The following RIMS2 variants were observed in gnomAD, a reference collection of about 807,000 sequenced individuals.
The protein encoded by RIMS2 is regulating synaptic membrane exocytosis 2, also known as regulating synaptic membrane exocytosis protein 2.
In RIMS2, 59 loss-of-function variants were observed where a neutral mutation model predicts 174.4. That is an observed-to-expected ratio of 0.34 (90% CI 0.27 to 0.42). The LOEUF (loss-of-function observed/expected upper bound fraction) is 0.42. Among genes scored for constraint, RIMS2 ranks in the 10% least tolerant of loss-of-function variants. The pLI, the probability that RIMS2 is intolerant of heterozygous loss-of-function variation, is 1.00. For synonymous variants in RIMS2, 606 were observed against 572.5 expected, an observed-to-expected ratio of 1.06 and a Z score of -0.84; for missense variants, 1,620 against 1,666.3, an observed-to-expected ratio of 0.97 and a Z score of 0.48.
intron 3 of RIMS2, among the ~76,000 whole-genome samples, chr8:103,849,589 T>C (rs770609655): frequency 2.0e-5 from 3 of 152,070 alleles, no homozygotes; most frequent in Admixed American, 6.6e-5. Flanking sequence ...GGTATCGCCA[T>C]ATCAGTAGGT....
At chr8:103,588,468 A>C (rs868692587) in intron 1 of RIMS2, among the ~76,000 whole-genome samples, 2 of 152,070 alleles carry the variant, frequency 1.3e-5, no homozygotes, top group Non-Finnish European at 2.9e-5. Flanking sequence ...CTGAACAAAA[A>C]GACCAAAACT....
chr8:103,638,631 T>C (rs1056292214), intron 1 of RIMS2, among the ~76,000 whole-genome samples: 1 of 152,122 alleles, frequency 6.6e-6, no homozygotes, highest in Non-Finnish European at 1.5e-5. Context: ...CTCCATGTTT[T>C]TATGTTTTTG....
intron 19 of RIMS2, among the ~76,000 whole-genome samples, chr8:104,133,155 C>T (rs2098486488): frequency 6.6e-6 from 1 of 152,198 alleles, no homozygotes; most frequent in South Asian, 2.1e-4. Flanking sequence ...TCATGTTCCA[C>T]ATCTGTATTT....
intron 1 of RIMS2, among the ~76,000 whole-genome samples, chr8:103,558,617 C>A (rs1345838664): frequency 5.3e-5 from 8 of 151,896 alleles, no homozygotes; most frequent in Admixed American, 5.2e-4. Flanking sequence ...TACTGGAATT[C>A]TTGGGATAAG....
chr8:104,134,617 G>C (rs1045215415), intron 19 of RIMS2, among the ~76,000 whole-genome samples: 2 of 152,200 alleles, frequency 1.3e-5, no homozygotes, highest in African/African-American at 4.8e-5. Context: ...TGTCTATGGT[G>C]TTGGCTATTG....
intron 1 of RIMS2, among the ~76,000 whole-genome samples, chr8:103,600,991 G>A (rs2133747019): frequency 6.6e-6 from 1 of 152,224 alleles, no homozygotes. Flanking sequence ...AAGCCTGTTT[G>A]TCATTTGTAT....
intron 15 of RIMS2, 72 bp from the exon 18 acceptor site, chr8:103,975,278 G>T: frequency 3.1e-6 from 3 of 958,308 alleles, no homozygotes; most frequent in South Asian, 2.1e-5. Flanking sequence ...TTTTGTTTTT[G>T]AGTAAAGTAG....
intron 19 of RIMS2, among the ~76,000 whole-genome samples, chr8:104,117,700 T>C (rs1383530551): frequency 6.6e-6 from 1 of 152,190 alleles, no homozygotes; most frequent in African/African-American, 2.4e-5. Context: ...AATCTTTACA[T>C]TTTCTATTTG....
intron 1 of RIMS2, among the ~76,000 whole-genome samples, chr8:103,681,189 C>G (rs144001158): frequency 2.7e-4 from 41 of 152,032 alleles, no homozygotes; most frequent in African/African-American, 9.6e-4. Context: ...TGGCTTTTAC[C>G]ATTTACCAGC....
chr8:104,001,029 T>C (rs2095362794), intron 17 of RIMS2, among the ~76,000 whole-genome samples: 1 of 151,916 alleles, frequency 6.6e-6, no homozygotes, highest in Non-Finnish European at 1.5e-5. Context: ...CTTCACTTTG[T>C]TTATTGTTTT....
At chr8:103,557,417 G>T (rs1167747795) in intron 1 of RIMS2, among the ~76,000 whole-genome samples, 1 of 152,096 alleles carries the variant, frequency 6.6e-6, no homozygotes, top group Non-Finnish European at 1.5e-5. Flanking sequence ...TGTTCATTCT[G>T]ATTTTCTTAT....
At chr8:103,563,543 A>G (rs2132059693) in intron 1 of RIMS2, among the ~76,000 whole-genome samples, 2 of 152,286 alleles carry the variant, frequency 1.3e-5, no homozygotes, top group East Asian at 3.9e-4. Context: ...AAAGCCATTC[A>G]ACAAGTCACT....
chr8:103,963,406 T>C (rs2090816363), intron 15 of RIMS2, among the ~76,000 whole-genome samples: 1 of 152,186 alleles, frequency 6.6e-6, no homozygotes, highest in Non-Finnish European at 1.5e-5. Context: ...ATTACAATCA[T>C]TCATAATAAA....
chr8:103,617,210 G>A (rs1366334229), intron 1 of RIMS2, among the ~76,000 whole-genome samples: 1 of 152,038 alleles, frequency 6.6e-6, no homozygotes, highest in African/African-American at 2.4e-5. Flanking sequence ...TAGAAATAGG[G>A]CCCCACATTT....
At chr8:103,757,186 T>G (rs2098031815) in intron 2 of RIMS2, among the ~76,000 whole-genome samples, 1 of 152,162 alleles carries the variant, frequency 6.6e-6, no homozygotes. Flanking sequence ...AAATAGGATA[T>G]AGAGGTTTTG....
chr8:103,696,763 T>A (rs1244880563), intron 1 of RIMS2, among the ~76,000 whole-genome samples: 2 of 146,358 alleles, frequency 1.4e-5, no homozygotes, highest in Non-Finnish European at 3.0e-5. Flanking sequence ...TTCAGGAGGC[T>A]GAGGTGGGAG....
intron 3 of RIMS2, among the ~76,000 whole-genome samples, chr8:103,883,333 G>A (rs1259693093): frequency 6.6e-6 from 1 of 151,664 alleles, no homozygotes; most frequent in African/African-American, 2.4e-5. Context: ...TAAATCTAGT[G>A]TTCTCTTCAT....
chr8:104,195,119 A>G (rs1323084108), intron 19 of RIMS2, among the ~76,000 whole-genome samples: 3 of 152,230 alleles, frequency 2.0e-5, no homozygotes, highest in African/African-American at 7.2e-5. Flanking sequence ...TTTAGATTGA[A>G]GGTGGAACGA....
intron 17 of RIMS2, among the ~76,000 whole-genome samples, chr8:104,013,219 A>G (rs1374188010): frequency 6.6e-6 from 1 of 152,178 alleles, no homozygotes; most frequent in Non-Finnish European, 1.5e-5. Context: ...CTGAGCAACT[A>G]TTATCTTTGC....
Sources: allele counts gnomAD v4.1 joint callset (sites outside exome capture counted in the v4.1 genomes callset), GRCh38; gene constraint gnomAD v4.1.1; transcripts MANE v1.5; gene names NCBI Gene and HGNC (gene_info 2026-07-23, HGNC 2026-07-21).